The following EYS variants were observed in gnomAD, a reference collection of about 807,000 sequenced individuals.
The protein encoded by EYS is protein eyes shut homolog.
A neutral mutation model predicts 282.1 loss-of-function variants in EYS; 250 were observed. The observed-to-expected ratio is 0.89, with a 90% confidence interval of 0.80 to 0.98. EYS has a LOEUF of 0.98. Among genes scored for constraint, EYS ranks in the 50% least tolerant of loss-of-function variants. The probability of loss-of-function intolerance (pLI) is 0.00; values close to 1 mark genes in which losing one functional copy is unlikely to be tolerated. For missense variants in EYS, 4,016 were observed against 3,709.0 expected (o/e 1.08, Z -2.15); for synonymous variants, 1,355 against 1,282.9 (o/e 1.06, Z -1.20).
intron 29 of EYS, among the ~76,000 whole-genome samples, chr6:64,367,192 TA>T (rs1233369625): frequency 1.3e-5 from 2 of 152,082 alleles, no homozygotes; most frequent in African/African-American, 4.8e-5. Context: ...GAAATGGGCA[TA>T]TGAATATATT....
chr6:64,971,070 T>G, intron 14 of EYS, among the ~76,000 whole-genome samples: 1 of 151,928 alleles, frequency 6.6e-6, no homozygotes, highest in East Asian at 1.9e-4. Context: ...CATTATATGA[T>G]AACTTAGAGC....
chr6:64,861,451 G>A (rs897155245), intron 19 of EYS, among the ~76,000 whole-genome samples: 2 of 152,100 alleles, frequency 1.3e-5, no homozygotes, highest in Non-Finnish European at 2.9e-5. Flanking sequence ...AGAGATGCCC[G>A]GGTCCACAGC....
intron 12 of EYS, among the ~76,000 whole-genome samples, chr6:65,074,279 G>C (rs2150167692): frequency 6.6e-6 from 1 of 152,014 alleles, no homozygotes; most frequent in Non-Finnish European, 1.5e-5. Context: ...CACAGGTTCA[G>C]CCAACATAGA....
At chr6:65,699,014 A>G (rs1281504654) in intron 1 of EYS, among the ~76,000 whole-genome samples, 1 of 152,218 alleles carries the variant, frequency 6.6e-6, no homozygotes, top group Admixed American at 6.5e-5. Flanking sequence ...CATTTGATTC[A>G]GCACGAGCTT....
intron 22 of EYS, among the ~76,000 whole-genome samples, chr6:64,727,268 T>G (rs1050729965): frequency 6.6e-6 from 1 of 151,936 alleles, no homozygotes; most frequent in Non-Finnish European, 1.5e-5. Flanking sequence ...CTCATATTTC[T>G]GCATTGCGTA....
chr6:64,630,470 G>T (rs1261388966), intron 22 of EYS, among the ~76,000 whole-genome samples: 2 of 152,030 alleles, frequency 1.3e-5, no homozygotes, highest in Non-Finnish European at 2.9e-5. Flanking sequence ...CATCCATTAA[G>T]ATCATTATAT....
chr6:63,956,320 G>A (rs1197232577), intron 35 of EYS, among the ~76,000 whole-genome samples: 2 of 152,132 alleles, frequency 1.3e-5, no homozygotes, highest in East Asian at 3.9e-4. Flanking sequence ...TGAGCACCTT[G>A]TGACCACCGC....
chr6:65,566,443 T>G (rs1769284070), intron 2 of EYS, among the ~76,000 whole-genome samples: 2 of 152,032 alleles, frequency 1.3e-5, no homozygotes, highest in Non-Finnish European at 2.9e-5. Context: ...GAACCAACAA[T>G]CAGGTAGGGC....
chr6:65,373,374 A>G (rs1302819750), intron 8 of EYS, among the ~76,000 whole-genome samples: 1 of 152,092 alleles, frequency 6.6e-6, no homozygotes, highest in East Asian at 1.9e-4. Flanking sequence ...ATCAAATACC[A>G]CATCACCTTT....
intron 26 of EYS, among the ~76,000 whole-genome samples, chr6:64,569,048 C>CA (rs1437921152): frequency 9.6e-6 from 1 of 103,968 alleles, no homozygotes. Flanking sequence ...AAAAAAACAG[C>CA]AAAAAAAGGC....
intron 26 of EYS, among the ~76,000 whole-genome samples, chr6:64,576,542 A>C (rs1442940320): frequency 6.6e-6 from 1 of 152,070 alleles, no homozygotes; most frequent in Non-Finnish European, 1.5e-5. Flanking sequence ...GTTCCCACTT[A>C]GATATTTATG....
intron 2 of EYS, among the ~76,000 whole-genome samples, chr6:65,586,050 T>C (rs1223790214): frequency 6.6e-6 from 1 of 152,002 alleles, no homozygotes; most frequent in African/African-American, 2.4e-5. Flanking sequence ...CACTCACTTA[T>C]TTGGTGGTTT....
chr6:65,155,186 A>G (rs188260199), intron 12 of EYS, among the ~76,000 whole-genome samples: 22 of 151,656 alleles, frequency 1.5e-4, no homozygotes, highest in Non-Finnish European at 1.9e-4. Context: ...GTAACATTCT[A>G]TCAGCATTAC....
chr6:65,232,096 T>C (rs1264717313), intron 12 of EYS, among the ~76,000 whole-genome samples: 1 of 152,058 alleles, frequency 6.6e-6, no homozygotes, highest in Admixed American at 6.6e-5. Context: ...TGATACATTA[T>C]ATTATATACA....
intron 26 of EYS, among the ~76,000 whole-genome samples, chr6:64,474,152 T>C (rs1776199229): frequency 6.6e-6 from 1 of 152,200 alleles, no homozygotes. Flanking sequence ...TTATATTCTG[T>C]CAATAAATGT....
chr6:65,057,359 G>C (rs1773448007), intron 13 of EYS, among the ~76,000 whole-genome samples: 1 of 151,958 alleles, frequency 6.6e-6, no homozygotes, highest in South Asian at 2.1e-4. Context: ...CTTTTTTATT[G>C]TATCTTTTGG....
chr6:63,968,665 G>A (rs1405187025), intron 35 of EYS, among the ~76,000 whole-genome samples: 4 of 152,114 alleles, frequency 2.6e-5, no homozygotes, highest in Admixed American at 2.6e-4. Flanking sequence ...ATATTTCAGA[G>A]GTTTCTCGAA....
intron 5 of EYS, among the ~76,000 whole-genome samples, chr6:65,467,314 A>C (rs922229905): frequency 6.6e-6 from 1 of 152,158 alleles, no homozygotes; most frequent in Non-Finnish European, 1.5e-5. Context: ...TGGATTATCT[A>C]GCAAGTAAAT....
chr6:64,084,784 G>C (rs147860870), intron 31 of EYS, among the ~76,000 whole-genome samples: 74 of 152,290 alleles, frequency 4.9e-4, no homozygotes, highest in African/African-American at 1.6e-3. Flanking sequence ...CAAGGACCTA[G>C]TCAGGAAGAA....
Sources: gnomAD v4.1 joint callset for allele counts (sites outside exome capture counted in the v4.1 genomes callset) on GRCh38, gnomAD v4.1.1 for gene constraint, MANE v1.5 for transcripts, NCBI Gene and HGNC (gene_info 2026-07-23, HGNC 2026-07-21) for gene names.